Variants in DACH2 observed in about 807,000 individuals in gnomAD.
The protein encoded by DACH2 is dachshund family transcription factor 2.
A neutral mutation model predicts 35.8 loss-of-function variants in DACH2; 17 were observed. The ratio of observed to expected loss-of-function variants is 0.48; its 90% CI spans 0.33 to 0.71. The LOEUF (loss-of-function observed/expected upper bound fraction) is 0.71. Among genes scored for constraint, DACH2 ranks in the 30% least tolerant of loss-of-function variants. The pLI, the probability that DACH2 is intolerant of heterozygous loss-of-function variation, is 0.02. For synonymous variants in DACH2, 195 were observed against 177.3 expected (o/e 1.10, Z -0.79); for missense variants, 469 against 472.7 (o/e 0.99, Z 0.07).
chrX:86,515,311 T>C (rs190467986), intron 3 of DACH2, among the ~76,000 whole-genome samples: 2 of 110,746 alleles, frequency 1.8e-5, no homozygotes, highest in East Asian at 5.8e-4. Flanking sequence ...GAAGCAGTTA[T>C]ATCAATTTTG....
intron 7 of DACH2, among the ~76,000 whole-genome samples, chrX:86,793,019 T>G (rs765273958): frequency 1.8e-5 from 2 of 111,586 alleles, no homozygotes; most frequent in Non-Finnish European, 3.8e-5. Context: ...TTTCTCCACA[T>G]CTTCTCCAGC....
At chrX:86,325,203 G>A (rs1345503570) in intron 1 of DACH2, among the ~76,000 whole-genome samples, 1 of 111,389 alleles carries the variant, frequency 9.0e-6, no homozygotes, top group East Asian at 2.8e-4. Flanking sequence ...TAATGTTAAT[G>A]TTGCTGTGTG....
chrX:86,165,635 G>T (rs1175109925), intron 1 of DACH2, among the ~76,000 whole-genome samples: 2 of 111,057 alleles, frequency 1.8e-5, no homozygotes, highest in African/African-American at 3.3e-5. Context: ...CTTCCTTTGA[G>T]AAATGTCTTC....
At chrX:86,766,868 A>C in intron 7 of DACH2, among the ~76,000 whole-genome samples, 1 of 111,291 alleles carries the variant, frequency 9.0e-6, no homozygotes, top group Non-Finnish European at 1.9e-5. Flanking sequence ...TCCTAGTGGC[A>C]TTCACAGAGT....
intron 2 of DACH2, among the ~76,000 whole-genome samples, chrX:86,406,856 C>T (rs1257302950): frequency 9.0e-6 from 1 of 111,619 alleles, no homozygotes; most frequent in African/African-American, 3.2e-5. Context: ...ATTCTTAGAT[C>T]TAAATTTAAA....
chrX:86,733,422 CA>C (rs2041554969), intron 6 of DACH2, among the ~76,000 whole-genome samples: 2 of 111,717 alleles, frequency 1.8e-5, no homozygotes, highest in Non-Finnish European at 3.8e-5. Flanking sequence ...GGTGTTGGCT[CA>C]ACTATTAGCA....
chrX:86,531,299 A>G (rs1446259779), intron 3 of DACH2, among the ~76,000 whole-genome samples: 1 of 111,847 alleles, frequency 8.9e-6, no homozygotes, highest in African/African-American at 3.3e-5. Context: ...AGCCAAGACA[A>G]TGGAGAAAAT....
At chrX:86,679,616 C>CTGTGTGTGTGTGTGTGTG (rs67988965) in intron 4 of DACH2, among the ~76,000 whole-genome samples, 1 of 96,284 alleles carries the variant, frequency 1.0e-5, no homozygotes, top group African/African-American at 3.8e-5. Context: ...CTCTCTGTCT[C>CTGTGTGTGTGTGTGTGTG]TGTGTGTGTG....
At chrX:86,291,039 A>T (rs1178718449) in intron 1 of DACH2, among the ~76,000 whole-genome samples, 1 of 103,420 alleles carries the variant, frequency 9.7e-6, no homozygotes, top group Non-Finnish European at 2.0e-5. Context: ...CACGATATTG[A>T]TTCTTCCTAC....
intron 7 of DACH2, among the ~76,000 whole-genome samples, chrX:86,782,439 A>G (rs756000747): frequency 2.7e-5 from 3 of 111,755 alleles, no homozygotes; most frequent in Admixed American, 9.5e-5. Context: ...GTTTGTAAGA[A>G]CTTAATTGTA....
intron 1 of DACH2, among the ~76,000 whole-genome samples, chrX:86,208,966 A>G (rs2032381630): frequency 9.0e-6 from 1 of 111,431 alleles, no homozygotes; most frequent in Non-Finnish European, 1.9e-5. Context: ...ATTTCAGTTG[A>G]TCATGTCTAC....
At chrX:86,523,408 C>G (rs1157281736) in intron 3 of DACH2, among the ~76,000 whole-genome samples, 1 of 111,457 alleles carries the variant, frequency 9.0e-6, no homozygotes, top group Non-Finnish European at 1.9e-5. Context: ...AGGACATTCT[C>G]AGTTTAAAAA....
chrX:86,367,611 A>G (rs2148090172), intron 1 of DACH2, among the ~76,000 whole-genome samples: 1 of 111,362 alleles, frequency 9.0e-6, no homozygotes, highest in African/African-American at 3.3e-5. Context: ...TTGGTTTTAC[A>G]GAGAAGTATA....
intron 6 of DACH2, among the ~76,000 whole-genome samples, chrX:86,732,503 G>A (rs2041542583): frequency 8.9e-6 from 1 of 111,992 alleles, no homozygotes; most frequent in South Asian, 3.6e-4. Flanking sequence ...TTTTATTAGA[G>A]GTAGTATGGT....
At chrX:86,669,259 A>C (rs1350909883) in intron 4 of DACH2, among the ~76,000 whole-genome samples, 1 of 111,007 alleles carries the variant, frequency 9.0e-6, no homozygotes, top group African/African-American at 3.3e-5. Flanking sequence ...TGATAATAGT[A>C]AGAATGATTG....
intron 1 of DACH2, among the ~76,000 whole-genome samples, chrX:86,313,953 G>C (rs182516257): frequency 9.0e-6 from 1 of 111,670 alleles, no homozygotes; most frequent in African/African-American, 3.3e-5. Context: ...TATTACATCT[G>C]TTATGGTGAT....
At chrX:86,305,716 G>A (rs1407732524) in intron 1 of DACH2, among the ~76,000 whole-genome samples, 2 of 108,504 alleles carry the variant, frequency 1.8e-5, no homozygotes, top group Non-Finnish European at 3.8e-5. Context: ...TAACAAAATC[G>A]AACAACTCGA....
intron 1 of DACH2, among the ~76,000 whole-genome samples, chrX:86,176,248 A>T (rs1409122106): frequency 2.7e-5 from 3 of 111,375 alleles, no homozygotes; most frequent in South Asian, 3.8e-4. Context: ...AATGAACTGG[A>T]ATTCCAAGAA....
intron 1 of DACH2, among the ~76,000 whole-genome samples, chrX:86,296,041 T>G (rs1425756267): frequency 9.0e-6 from 1 of 110,937 alleles, no homozygotes; most frequent in Non-Finnish European, 1.9e-5. Flanking sequence ...TTGGATGCAA[T>G]AATAATTTAA....
Sources: gnomAD v4.1 joint callset for allele counts (sites outside exome capture counted in the v4.1 genomes callset) on GRCh38, gnomAD v4.1.1 for gene constraint, MANE v1.5 for transcripts, NCBI Gene and HGNC (gene_info 2026-07-23, HGNC 2026-07-21) for gene names.